ZNRF3: variants seen among roughly 807,000 people sequenced by gnomAD.
The protein encoded by ZNRF3 is E3 ubiquitin-protein ligase ZNRF3.
ZNRF3 carries 23 observed loss-of-function variants against 72.5 expected under a neutral mutation model. That is an observed-to-expected ratio of 0.32 (90% CI 0.23 to 0.45). The LOEUF (loss-of-function observed/expected upper bound fraction) is 0.45, where lower values mean the gene tolerates loss of function less well. Ranked by LOEUF, ZNRF3 falls within the 20% of genes least tolerant of loss-of-function variation. The pLI is 1.00. For missense variants in ZNRF3, 1,169 were observed against 1,272.1 expected, an observed-to-expected ratio of 0.92 and a Z score of 1.23; for synonymous variants, 610 against 545.3, an observed-to-expected ratio of 1.12 and a Z score of -1.65.
chr22:29,053,141 C>G (rs1330522027), intron 8 of ZNRF3, among the ~76,000 whole-genome samples: 1 of 152,180 alleles, frequency 6.6e-6, no homozygotes, highest in African/African-American at 2.4e-5. Context: ...CTGTCCGCTA[C>G]TTTTCTCCTC....
In ZNRF3 at chr22:29,049,742, C is replaced by T. The variant is rs763943152; in HGVS notation, c.1561C>T (p.Leu521=). ...GGTGCACGTGGCCCCGCCCTCCCAC[C>T]TGGAGAGCGGCAGCACGTCCAGCTT... ...TVVHVAPPSH[L]ESGSTSSFSC... is the part of the protein sequence containing the mutation. Residue 521 remains leucine, a synonymous_variant, in exon 8 of 9, where the codon CTG becomes TTG. Coordinates refer to ENST00000544604, the MANE Select transcript of ZNRF3 (RefSeq NM_001206998.2). The surrounding 1 kb of genome is among the most constrained non-coding windows in gnomAD (Gnocchi z 5.2). 3 of 1,595,868 alleles carry T rather than the reference C, an allele frequency of 1.9e-6. No individual in the cohort carries two copies. Among genetic ancestry groups the T allele is most frequent in the South Asian group, 2.2e-5 (2 of 89,580 alleles).
At position 28,946,146 on chromosome 22, in the gene ZNRF3, G is replaced by A. The variant is rs373866107; in HGVS notation, c.301-40930G>A. 1.4e-3 allele frequency among the ~76,000 whole-genome samples: 218 copies of A among 152,208 alleles called. 6 individuals are homozygous for A. In the South Asian group the frequency reaches 0.033, roughly 23 times the overall value. On this transcript the variant is annotated intron_variant, in intron 1 of 8. Transcript: ENST00000544604. Reference sequence around the variant, plus strand: ...TTGAGGATCTGGTCCCAAGCATTTCGGATAAGGGACACCCCAGCCTGTAGT... The same window carrying A: ...TTGAGGATCTGGTCCCAAGCATTTCAGATAAGGGACACCCCAGCCTGTAGT...
At chr22:29,029,358 C>G (rs968900916) in intron 2 of ZNRF3, among the ~76,000 whole-genome samples, 1 of 152,174 alleles carries the variant, frequency 6.6e-6, no homozygotes, top group African/African-American at 2.4e-5. Flanking sequence ...ATAAGAAAAT[C>G]ATGTAATCAA....
chr22:29,026,734 C>A (rs971402798), intron 2 of ZNRF3: 3 of 152,162 alleles, frequency 2.0e-5, no homozygotes, highest in Admixed American at 6.6e-5. Context: ...CTGTGTCCAC[C>A]CAGCATTTTT....
At chr22:28,975,456 C>T (rs186241769) in intron 1 of ZNRF3, among the ~76,000 whole-genome samples, 104 of 133,544 alleles carry the variant, frequency 7.8e-4, no homozygotes, top group African/African-American at 2.7e-3. Flanking sequence ...GAGCCGAGAT[C>T]GAGATCGGGC....
rs763999440 is a variant in ZNRF3, at chr22:29,053,592, C to T, written c.2781C>T (p.His927=). 8.7e-6 allele frequency: 14 copies of T among 1,613,676 alleles called. No individual in the cohort carries two copies. Among genetic ancestry groups the T allele is most frequent in the African/African-American group, 1.3e-5 (1 of 74,914 alleles). Residue 927 remains histidine (H), a synonymous_variant, in exon 9 of 9, where the codon CAC becomes CAT. Transcript: ENST00000544604. ...TCTCTTTCCCAGGACCGAGATCTCA[C>T]TCAGCAGACAGCAGCAGCCCGGGAG... ...TATEAAGPRS[H]SADSSSPGA is the part of the protein sequence containing the mutation.
intron 1 of ZNRF3, among the ~76,000 whole-genome samples, chr22:28,941,878 C>G (rs2034953651): frequency 6.6e-6 from 1 of 152,096 alleles, no homozygotes; most frequent in African/African-American, 2.4e-5. Context: ...TCTCTTGAAC[C>G]CGGGAGGCGG....
chr22:28,884,887 C>G (rs1379851733), intron 1 of ZNRF3, among the ~76,000 whole-genome samples: 1 of 152,168 alleles, frequency 6.6e-6, no homozygotes, highest in Non-Finnish European at 1.5e-5. Flanking sequence ...AGGAGGGACT[C>G]TCAACTGAAG....
At chr22:28,964,278 A>G (rs1253168440) in intron 1 of ZNRF3, among the ~76,000 whole-genome samples, 1 of 152,198 alleles carries the variant, frequency 6.6e-6, no homozygotes, top group East Asian at 1.9e-4. Context: ...AAGACACAAA[A>G]AAGTATATTC....
intron 2 of ZNRF3, among the ~76,000 whole-genome samples, chr22:29,024,506 AG>A (rs2036592164): frequency 6.6e-6 from 1 of 152,060 alleles, no homozygotes; most frequent in East Asian, 1.9e-4. Context: ...GGAGACACAT[AG>A]GCTCAGTCAG....
intron 2 of ZNRF3, chr22:29,031,467 G>T: frequency 2.3e-6 from 1 of 432,762 alleles, no homozygotes; most frequent in Non-Finnish European, 3.1e-6. Flanking sequence ...CAGGGCCCTT[G>T]GTGAGGCAGG....
At chr22:28,927,757 G>T (rs2034630406) in intron 1 of ZNRF3, among the ~76,000 whole-genome samples, 1 of 152,192 alleles carries the variant, frequency 6.6e-6, no homozygotes, top group Non-Finnish European at 1.5e-5. Context: ...TTTAATTCCA[G>T]CCTGTGGCTT....
At chr22:29,046,185 G>A (rs1476832684) in intron 5 of ZNRF3, among the ~76,000 whole-genome samples, 1 of 152,148 alleles carries the variant, frequency 6.6e-6, no homozygotes, top group Admixed American at 6.5e-5. Flanking sequence ...TGTATGGCAG[G>A]GTCATGTCTC....
At chr22:28,909,049 C>T (rs915505787) in intron 1 of ZNRF3, among the ~76,000 whole-genome samples, 1 of 152,010 alleles carries the variant, frequency 6.6e-6, no homozygotes, top group Non-Finnish European at 1.5e-5. Context: ...GTGCACGCTG[C>T]CACACCCAGC....
intron 1 of ZNRF3, among the ~76,000 whole-genome samples, chr22:28,946,453 ATCCTT>A (rs1413450121): frequency 6.6e-6 from 1 of 152,224 alleles, no homozygotes; most frequent in East Asian, 1.9e-4. Context: ...ATAATGTGTC[ATCCTT>A]CTGTAATCAT....
At chr22:29,013,286 G>C (rs1304904896) in intron 2 of ZNRF3, among the ~76,000 whole-genome samples, 3 of 152,170 alleles carry the variant, frequency 2.0e-5, no homozygotes, top group Non-Finnish European at 2.9e-5. Flanking sequence ...TCTGTTAGCT[G>C]TCGGGCAAAA....
At chr22:29,032,200 T>A (rs1312808035) in intron 2 of ZNRF3, among the ~76,000 whole-genome samples, 1 of 152,184 alleles carries the variant, frequency 6.6e-6, no homozygotes, top group Non-Finnish European at 1.5e-5. Flanking sequence ...GAGGAGGCTG[T>A]AAAAATTCAC....
At chr22:28,923,760 C>T (rs2034547794) in intron 1 of ZNRF3, among the ~76,000 whole-genome samples, 1 of 152,252 alleles carries the variant, frequency 6.6e-6, no homozygotes, top group Non-Finnish European at 1.5e-5. Context: ...GATCTCAAGG[C>T]TGTTCCCACA....
At chr22:28,986,982 T>A (rs973504850) in intron 1 of ZNRF3, 94 bp from the exon 2 acceptor site, 1 of 1,490,720 alleles carries the variant, frequency 6.7e-7, no homozygotes, top group African/African-American at 1.4e-5. Context: ...AGTTTTGACG[T>A]TACTTTTGGC....
Sources: allele counts gnomAD v4.1 joint callset (sites outside exome capture counted in the v4.1 genomes callset), GRCh38; gene constraint gnomAD v4.1.1; non-coding constraint Gnocchi (gnomAD v3.1); transcripts MANE v1.5; gene names NCBI Gene and HGNC (gene_info 2026-07-23, HGNC 2026-07-21).